ZNF736: variants seen among roughly 807,000 people sequenced by gnomAD.
The protein encoded by ZNF736 is KRAB-containing zinc-finger repressor protein.
In ZNF736, 6 loss-of-function variants were observed where a neutral mutation model predicts 11.7. The observed-to-expected ratio is 0.51, with a 90% CI of 0.28 to 1.01. The LOEUF (loss-of-function observed/expected upper bound fraction) is 1.01. Among genes scored for constraint, ZNF736 ranks in the 50% least tolerant of loss-of-function variants. The pLI, the probability that ZNF736 is intolerant of heterozygous loss-of-function variation, is 0.09. For missense variants in ZNF736, 444 were observed against 496.0 expected (o/e 0.90, Z 1.00); for synonymous variants, 139 against 164.7 (o/e 0.84, Z 1.19).
chr7:64,355,545 G>C lies in ZNF736; in HGVS notation c.*6398G>C, dbSNP rs965680399. The C allele has an allele frequency of 1.3e-5, 2 of 151,930 alleles. No homozygotes were observed. The highest frequency in any genetic ancestry group is 2.9e-5 in the Non-Finnish European group (2 of 68,006). 9.4% of individuals were successfully genotyped at this position (151,930 alleles called of 1,614,324 possible). On this transcript the variant is annotated 3_prime_UTR_variant, in exon 4 of 4. Coordinates refer to ENST00000423484, the MANE Select transcript of ZNF736 (RefSeq NM_001170905.3). Reference sequence around the variant, plus strand: ...CTACAGGCACCTGCCACCAGGCCCAGCTAATTTTTTGTATTTTTAGTAGGG... The same window carrying C: ...CTACAGGCACCTGCCACCAGGCCCACCTAATTTTTTGTATTTTTAGTAGGG...
intron 1 of ZNF736, among the ~76,000 whole-genome samples, chr7:64,317,140 G>C (rs1165703719): frequency 4.6e-5 from 7 of 152,138 alleles, no homozygotes; most frequent in African/African-American, 7.2e-5. Flanking sequence ...ACAATAAAAA[G>C]ATATTTCCCA....
Position 64,353,182 on chromosome 7 carries a change from G to C in ZNF736, c.*4035G>C, listed in dbSNP as rs1789513162. ...CCTCACCTGAAGGTTGCAGAGATCT[G>C]TGGGAGAATCATGGGTTTCTAGGGT... On this transcript the variant is annotated 3_prime_UTR_variant, in exon 4 of 4. Coordinates refer to ENST00000423484, the MANE Select transcript of ZNF736 (RefSeq NM_001170905.3). The C allele has an allele frequency of 6.6e-6, 1 of 152,218 alleles. No individual in the cohort carries two copies. The highest frequency in any genetic ancestry group is 1.5e-5 in the Non-Finnish European group (1 of 68,054). 9.4% of individuals were successfully genotyped at this position (152,218 alleles called of 1,614,324 possible).
At chr7:64,329,112 C>A (rs1264578101) in intron 1 of ZNF736, among the ~76,000 whole-genome samples, 2 of 151,892 alleles carry the variant, frequency 1.3e-5, no homozygotes, top group African/African-American at 4.8e-5. Flanking sequence ...CTAGATTCTT[C>A]AAAATTATCA....
intron 1 of ZNF736, among the ~76,000 whole-genome samples, chr7:64,322,099 C>A (rs1221247999): frequency 7.2e-5 from 11 of 151,854 alleles, no homozygotes; most frequent in Admixed American, 7.2e-4. Flanking sequence ...GAAGAAGGTA[C>A]ATTTTATGGT....
In ZNF736 at chr7:64,314,208, C is replaced by T. The variant is rs1210750008; in HGVS notation, c.3+55C>T. 2.6e-6 allele frequency: 4 copies of T among 1,546,558 alleles called. No homozygotes were observed. In the African/African-American group the frequency reaches 5.5e-5, roughly 21 times the overall value. Reference sequence around the variant, plus strand: ...TGGGGAAGAGGCTGTTTGAATCCGGCCGGAACCGGCTGCGGTGGTATCTGG... The same window carrying T: ...TGGGGAAGAGGCTGTTTGAATCCGGTCGGAACCGGCTGCGGTGGTATCTGG... On this transcript the variant is annotated intron_variant, in intron 1 of 3. Transcript: ENST00000423484.
At chr7:64,329,827 CAT>C (rs1208251702) in intron 1 of ZNF736, among the ~76,000 whole-genome samples, 1 of 152,164 alleles carries the variant, frequency 6.6e-6, no homozygotes, top group Non-Finnish European at 1.5e-5. Flanking sequence ...CAGCCAGGCT[CAT>C]GTCCTTTCCT....
Position 64,352,369 on chromosome 7 carries a change from G to T in ZNF736, c.*3222G>T, listed in dbSNP as rs1789499335. 6.6e-6 allele frequency: 1 copy of T among 152,246 alleles called. No homozygotes were observed. Among genetic ancestry groups the T allele is most frequent in the Admixed American group, 6.5e-5 (1 of 15,280 alleles). The allele number at this position is 152,246 out of a possible 1,614,324, so 9.4% of individuals were successfully genotyped here. On this transcript the variant is annotated 3_prime_UTR_variant, in exon 4 of 4. Transcript: ENST00000423484. ...TAGGAGGTAGCTGGAAGCCCCTGTT[G>T]AAGGTCCTACCCAGTGAGGAAAACA...
chr7:64,332,460 G>A lies in ZNF736; in HGVS notation c.4-3799G>A, dbSNP rs148919985. ...TGCTTCAAAGGGCAAAAAGCAGAAC[G>A]AAGATCACATGCTTCTGAGGGAACA... On this transcript the variant is annotated intron_variant, in intron 1 of 3. Transcript: ENST00000423484. Among the ~76,000 whole-genome samples, 1,028 of 152,278 alleles carry A rather than the reference G, an allele frequency of 6.8e-3. 9 individuals are homozygous for A. The highest frequency in any genetic ancestry group is 0.023 in the African/African-American group (937 of 41,560).
chr7:64,316,127 A>G (rs1031395263), intron 1 of ZNF736, among the ~76,000 whole-genome samples: 4 of 152,126 alleles, frequency 2.6e-5, no homozygotes, highest in African/African-American at 4.8e-5. Context: ...AGATACCCAC[A>G]AGGACCATAT....
In ZNF736 at chr7:64,355,598, G is replaced by GGTCTTGATCTCCTGACCTCA. The variant is rs1185469829; in HGVS notation, c.*6452_*6471dup. ...GGGGTTTCACCATGTTAGCTAGGAT[G>GGTCTTGATCTCCTGACCTCA]GTCTTGATCTCCTGACCTCATGATC... On this transcript the variant is annotated 3_prime_UTR_variant, in exon 4 of 4. Transcript: ENST00000423484. 7.2e-5 allele frequency: 11 copies of GGTCTTGATCTCCTGACCTCA among 152,166 alleles called. No homozygotes were observed. In the East Asian group the frequency reaches 1.9e-3, roughly 27 times the overall value. 9.4% of individuals were successfully genotyped at this position (152,166 alleles called of 1,614,324 possible).
chr7:64,336,491 T>A, intron 2 of ZNF736, 106 bp downstream of exon 2: 3 of 1,253,710 alleles, frequency 2.4e-6, no homozygotes, highest in Non-Finnish European at 3.2e-6. Flanking sequence ...AGAATCCTGC[T>A]TCAAAAAGAA....
At position 64,348,703 on chromosome 7, in the gene ZNF736, T is replaced by C; in HGVS notation, c.840T>C (p.Thr280=). ...TTACTAATCATAAGAGAATTCATAC[T>C]GGAGAGAAACCCTACAAATGTGAAG... ...SDLTNHKRIH[T]GEKPYKCEEC... Residue 280 remains threonine, a synonymous_variant, in exon 4 of 4, where the codon ACT becomes ACC. Transcript: ENST00000423484. 2 of 1,608,378 alleles carry C rather than the reference T, an allele frequency of 1.2e-6. No individual in the cohort carries two copies. The highest frequency in any genetic ancestry group is 4.5e-5 in the East Asian group (2 of 44,608).
chr7:64,319,574 C>T (rs1183312371), intron 1 of ZNF736, among the ~76,000 whole-genome samples: 1 of 138,768 alleles, frequency 7.2e-6, no homozygotes, highest in Non-Finnish European at 1.5e-5. Context: ...TGGCTCACTG[C>T]AACCTCTGCC....
intron 1 of ZNF736, among the ~76,000 whole-genome samples, chr7:64,333,207 G>A (rs778531332): frequency 1.3e-5 from 2 of 152,140 alleles, no homozygotes; most frequent in Non-Finnish European, 2.9e-5. Context: ...CCCGCAACAC[G>A]CTACTTGTGA....
chr7:64,345,849 G>A (rs141957376), intron 3 of ZNF736, among the ~76,000 whole-genome samples: 180 of 150,532 alleles, frequency 1.2e-3, no homozygotes, highest in African/African-American at 4.2e-3. Flanking sequence ...ATAATTGTCC[G>A]TAAAATTTCA....
intron 3 of ZNF736, 70 bp from the exon 4 acceptor site, chr7:64,348,020 G>A: frequency 3.3e-6 from 4 of 1,226,308 alleles, no homozygotes; most frequent in Non-Finnish European, 4.4e-6. Flanking sequence ...TAATTGCTTT[G>A]TATAATTATA....
intron 1 of ZNF736, among the ~76,000 whole-genome samples, chr7:64,329,223 ATCTCTG>A (rs1310042135): frequency 6.6e-6 from 1 of 151,792 alleles, no homozygotes; most frequent in Non-Finnish European, 1.5e-5. Context: ...AAGGTTACAT[ATCTCTG>A]TCTCAGGATT....
intron 3 of ZNF736, among the ~76,000 whole-genome samples, chr7:64,341,710 A>T (rs1789340908): frequency 6.6e-6 from 1 of 152,184 alleles, no homozygotes; most frequent in Non-Finnish European, 1.5e-5. Flanking sequence ...TCTCTTGAGG[A>T]TAATACTGGG....
At chr7:64,314,905 T>A (rs1314355037) in intron 1 of ZNF736, among the ~76,000 whole-genome samples, 1 of 152,190 alleles carries the variant, frequency 6.6e-6, no homozygotes, top group African/African-American at 2.4e-5. Context: ...ATAATTTGGA[T>A]GTGTTTTCCA....
Sources: gnomAD v4.1 joint callset for allele counts (sites outside exome capture counted in the v4.1 genomes callset) on GRCh38, gnomAD v4.1.1 for gene constraint, MANE v1.5 for transcripts, NCBI Gene and HGNC (gene_info 2026-07-23, HGNC 2026-07-21) for gene names.